CADM1: variants seen among roughly 807,000 people sequenced by gnomAD.
CADM1 encodes cell adhesion molecule 1.
CADM1 carries 15 observed loss-of-function variants against 53.1 expected under a neutral mutation model. The ratio of observed to expected loss-of-function variants is 0.28; its 90% CI spans 0.19 to 0.44. The LOEUF (loss-of-function observed/expected upper bound fraction) is 0.44, where lower values mean the gene tolerates loss of function less well. Ranked by LOEUF, CADM1 falls within the 20% of genes least tolerant of loss-of-function variation. The pLI, the probability that CADM1 is intolerant of heterozygous loss-of-function variation, is 1.00. For missense variants in CADM1, 434 were observed against 611.3 expected (o/e 0.71, Z 3.06); for synonymous variants, 281 against 243.0 (o/e 1.16, Z -1.45).
intron 1 of CADM1, among the ~76,000 whole-genome samples, chr11:115,272,628 T>A (rs958880779): frequency 3.3e-5 from 5 of 151,922 alleles, no homozygotes; most frequent in African/African-American, 4.8e-5. Context: ...TCCGTATTTT[T>A]CAGAAATATT....
intron 1 of CADM1, among the ~76,000 whole-genome samples, chr11:115,297,939 T>G (rs7115100): frequency 0.11 from 17,068 of 152,304 alleles, 1,094 homozygotes; most frequent in African/African-American, 0.13. Context: ...ACCTCTGGAC[T>G]GCACTGCATG....
intron 1 of CADM1, among the ~76,000 whole-genome samples, chr11:115,375,511 A>T (rs1158741078): frequency 1.3e-5 from 2 of 152,214 alleles, no homozygotes; most frequent in African/African-American, 2.4e-5. Flanking sequence ...CAACTAAAAA[A>T]TAGTTAAGAG....
intron 1 of CADM1, among the ~76,000 whole-genome samples, chr11:115,360,294 C>T (rs1459333754): frequency 6.6e-6 from 1 of 152,124 alleles, no homozygotes; most frequent in African/African-American, 2.4e-5. Flanking sequence ...TAACCAAAAA[C>T]GTACAGTGAA....
intron 1 of CADM1, among the ~76,000 whole-genome samples, chr11:115,437,455 T>C (rs1486691034): frequency 6.6e-6 from 1 of 152,188 alleles, no homozygotes; most frequent in African/African-American, 2.4e-5. Flanking sequence ...TGTTTCCCTC[T>C]GATTAATTTG....
chr11:115,451,745 C>T lies in CADM1; in HGVS notation c.124+52526G>A, dbSNP rs561833419. 6.6e-5 allele frequency among the ~76,000 whole-genome samples: 10 copies of T among 152,188 alleles called. No homozygotes were observed. The South Asian group carries it at 1.7e-3, about 25-fold the overall frequency. Reference sequence around the variant, plus strand: ...AAACAGTTTTCCTTGCTAATTTAGGCATATAAGAGGAGGTTCCTAACCAGC... The same window carrying T: ...AAACAGTTTTCCTTGCTAATTTAGGTATATAAGAGGAGGTTCCTAACCAGC... On this transcript the variant is annotated intron_variant, in intron 1 of 11. Coordinates refer to ENST00000331581, the MANE Select transcript of CADM1 (RefSeq NM_001301043.2).
At chr11:115,413,263 T>C (rs1286725329) in intron 1 of CADM1, among the ~76,000 whole-genome samples, 2 of 152,224 alleles carry the variant, frequency 1.3e-5, no homozygotes, top group Non-Finnish European at 2.9e-5. Flanking sequence ...AGGTTTTTCC[T>C]TCAACAAATA....
At chr11:115,225,483 TA>T (rs1250442029) in intron 5 of CADM1, among the ~76,000 whole-genome samples, 6 of 152,188 alleles carry the variant, frequency 3.9e-5, no homozygotes, top group Non-Finnish European at 7.3e-5. Context: ...TAAGGATTAT[TA>T]AAAGTATGAC....
At chr11:115,434,054 T>C (rs991285660) in intron 1 of CADM1, among the ~76,000 whole-genome samples, 2 of 152,196 alleles carry the variant, frequency 1.3e-5, no homozygotes, top group Non-Finnish European at 2.9e-5. Context: ...AAAAATTTCC[T>C]CTAGTCTTCT....
chr11:115,260,386 A>C (rs537138036), intron 1 of CADM1, among the ~76,000 whole-genome samples: 1 of 152,226 alleles, frequency 6.6e-6, no homozygotes, highest in Non-Finnish European at 1.5e-5. Context: ...CACATCATAC[A>C]TATTGGTTGT....
chr11:115,256,800 G>T (rs1234163271), intron 1 of CADM1: 1 of 456,008 alleles, frequency 2.2e-6, no homozygotes, highest in African/African-American at 2.0e-5. Context: ...TAAAAAGTTT[G>T]TTCTTATATG....
chr11:115,485,861 C>G (rs1949362134), intron 1 of CADM1, among the ~76,000 whole-genome samples: 1 of 152,170 alleles, frequency 6.6e-6, no homozygotes, highest in Non-Finnish European at 1.5e-5. Context: ...TTCTACTAAA[C>G]TCTTATTTCA....
intron 1 of CADM1, among the ~76,000 whole-genome samples, chr11:115,254,262 G>T (rs184156974): frequency 6.6e-6 from 1 of 152,128 alleles, no homozygotes; most frequent in Non-Finnish European, 1.5e-5. Flanking sequence ...AAGACTTCAT[G>T]GGTGCTAGGC....
chr11:115,337,340 A>G (rs778479062), intron 1 of CADM1, among the ~76,000 whole-genome samples: 2 of 152,144 alleles, frequency 1.3e-5, no homozygotes, highest in Non-Finnish European at 2.9e-5. Flanking sequence ...TTCTTTCCAC[A>G]TAATTGTCTG....
At chr11:115,494,507 T>A (rs1291296877) in intron 1 of CADM1, among the ~76,000 whole-genome samples, 2 of 152,160 alleles carry the variant, frequency 1.3e-5, no homozygotes. Flanking sequence ...ATAATCATTG[T>A]CAGTTTCCCC....
chr11:115,324,588 G>T (rs946182637), intron 1 of CADM1, among the ~76,000 whole-genome samples: 1 of 152,148 alleles, frequency 6.6e-6, no homozygotes, highest in African/African-American at 2.4e-5. Flanking sequence ...AACAGCTAGT[G>T]CAGATAGAAC....
chr11:115,289,859 T>C (rs1943840880), intron 1 of CADM1, among the ~76,000 whole-genome samples: 1 of 152,130 alleles, frequency 6.6e-6, no homozygotes, highest in African/African-American at 2.4e-5. Flanking sequence ...CCTCCCAAAG[T>C]GCTGGGATTA....
chr11:115,470,213 A>G (rs938012515), intron 1 of CADM1, among the ~76,000 whole-genome samples: 2 of 152,230 alleles, frequency 1.3e-5, no homozygotes, highest in Non-Finnish European at 2.9e-5. Flanking sequence ...TCATAATGTC[A>G]TCTTCTCTCC....
intron 10 of CADM1, among the ~76,000 whole-genome samples, chr11:115,183,488 G>A (rs990892046): frequency 6.6e-6 from 1 of 152,166 alleles, no homozygotes; most frequent in Non-Finnish European, 1.5e-5. Flanking sequence ...TGGCAAATAG[G>A]GACTTTGGCA....
intron 1 of CADM1, among the ~76,000 whole-genome samples, chr11:115,242,216 G>A (rs913080465): frequency 1.3e-5 from 2 of 151,944 alleles, no homozygotes; most frequent in Non-Finnish European, 2.9e-5. Context: ...ACCCAGGTGT[G>A]AGAATGCAGG....
Sources: gnomAD v4.1 joint callset for allele counts (sites outside exome capture counted in the v4.1 genomes callset) on GRCh38, gnomAD v4.1.1 for gene constraint, MANE v1.5 for transcripts, NCBI Gene and HGNC (gene_info 2026-07-23, HGNC 2026-07-21) for gene names.